The following ARAP2 variants were observed in gnomAD, a reference collection of about 807,000 sequenced individuals.
ARAP2 encodes arf-GAP with Rho-GAP domain, ANK repeat and PH domain-containing protein 2.
A neutral mutation model predicts 194.5 loss-of-function variants in ARAP2; 148 were observed. The observed-to-expected ratio is 0.76, with a 90% confidence interval of 0.67 to 0.87. The LOEUF is 0.87. Among genes scored for constraint, ARAP2 ranks in the 40% least tolerant of loss-of-function variants. ARAP2 has a pLI of 0.00. For synonymous variants in ARAP2, 695 were observed against 683.5 expected, an observed-to-expected ratio of 1.02 and a Z score of -0.26; for missense variants, 2,128 against 1,989.7, an observed-to-expected ratio of 1.07 and a Z score of -1.32.
At chr4:36,216,563 T>C (rs1017251901) in intron 2 of ARAP2, among the ~76,000 whole-genome samples, 1 of 152,152 alleles carries the variant, frequency 6.6e-6, no homozygotes, top group African/African-American at 2.4e-5. Flanking sequence ...TTAACAATCC[T>C]ACCAAAAATA....
chr4:36,073,910 T>TA, intron 31 of ARAP2, 87 bp from the exon 32 acceptor site: 1 of 1,447,744 alleles, frequency 6.9e-7, no homozygotes, highest in Non-Finnish European at 9.5e-7. Flanking sequence ...CTTTCCCACA[T>TA]ATCCACATCA....
rs977050183 is a variant in ARAP2 at position 36,066,080 on chromosome 4, A to G, written c.*1827T>C. 6.6e-6 allele frequency: 1 copy of G among 152,216 alleles called. No homozygotes were observed. Among genetic ancestry groups the G allele is most frequent in the Admixed American group, 6.5e-5 (1 of 15,282 alleles). The allele number at this position is 152,216 out of a possible 1,614,324, so 9.4% of individuals were successfully genotyped here. A position where few individuals can be genotyped will look rare whatever the true frequency, so the allele number is the denominator to read the frequency against. On this transcript the variant is annotated 3_prime_UTR_variant, in exon 33 of 33. Coordinates refer to ENST00000303965, the MANE Select transcript of ARAP2 (RefSeq NM_015230.4). The stretch of plus-strand genomic sequence containing the variant: ...ATTAGCCCTTATCTCTCACACTTGA[A>G]AAATGGAGACAGTTGTTCAGAATAG...
intron 5 of ARAP2, among the ~76,000 whole-genome samples, chr4:36,026,197 T>C (rs1717876316): frequency 6.6e-6 from 1 of 152,186 alleles, no homozygotes; most frequent in African/African-American, 2.4e-5. Context: ...TCAGACACTT[T>C]GACTCACAAA....
chr4:36,091,560 T>C (rs1713661264), intron 28 of ARAP2, among the ~76,000 whole-genome samples: 1 of 152,186 alleles, frequency 6.6e-6, no homozygotes, highest in South Asian at 2.1e-4. Flanking sequence ...ATCTGAAGCC[T>C]TTTATTTTAG....
chr4:36,096,111 C>T (rs1483416848), intron 27 of ARAP2, among the ~76,000 whole-genome samples: 3 of 151,844 alleles, frequency 2.0e-5, no homozygotes, highest in African/African-American at 7.3e-5. Flanking sequence ...TATCTGTAAT[C>T]CCAGCACTTT....
At chr4:36,084,467 TA>T (rs1220048698) in intron 28 of ARAP2, among the ~76,000 whole-genome samples, 3 of 152,080 alleles carry the variant, frequency 2.0e-5, no homozygotes, top group African/African-American at 7.2e-5. Context: ...GGATTTTCTA[TA>T]CTGTTTGGAT....
chr4:36,161,615 G>C (rs1344288603), intron 11 of ARAP2, 65 bp from the exon 12 acceptor site: 1 of 1,332,580 alleles, frequency 7.5e-7, no homozygotes, highest in East Asian at 2.3e-5. Context: ...ACCTTGTTTT[G>C]AAAGAAAGTG....
intron 9 of ARAP2, among the ~76,000 whole-genome samples, chr4:36,009,394 A>G (rs1021374670): frequency 5.3e-5 from 8 of 152,108 alleles, no homozygotes; most frequent in African/African-American, 1.9e-4. Context: ...GCACCAACAT[A>G]TAGGCAAACT....
chr4:36,082,367 G>A (rs1359603999), intron 29 of ARAP2, 81 bp from the exon 30 acceptor site: 48 of 1,403,694 alleles, frequency 3.4e-5, no homozygotes, highest in Non-Finnish European at 4.6e-5. Flanking sequence ...AGATGTTAAG[G>A]AGATGAGATT....
At chr4:36,230,610 C>G (rs567342952) in intron 1 of ARAP2, among the ~76,000 whole-genome samples, 13 of 152,264 alleles carry the variant, frequency 8.5e-5, no homozygotes, top group African/African-American at 3.1e-4. Context: ...TTTCCAGATG[C>G]TAATTATACA....
intron 2 of ARAP2, among the ~76,000 whole-genome samples, chr4:36,056,935 T>A (rs1723613242): frequency 6.6e-6 from 1 of 152,086 alleles, no homozygotes; most frequent in African/African-American, 2.4e-5. Context: ...ACAGTCAATA[T>A]TATGTTTACC....
chr4:36,077,647 T>C (rs1198435961), intron 31 of ARAP2, among the ~76,000 whole-genome samples: 1 of 152,128 alleles, frequency 6.6e-6, no homozygotes, highest in Non-Finnish European at 1.5e-5. Context: ...TCTTCTTTCC[T>C]ATAGCTGTTC....
At chr4:36,207,801 C>T (rs1327944160) in intron 6 of ARAP2, among the ~76,000 whole-genome samples, 2 of 151,838 alleles carry the variant, frequency 1.3e-5, no homozygotes, top group South Asian at 2.1e-4. Flanking sequence ...CCCAAGAGTT[C>T]ACTACCCTGT....
At chr4:36,052,366 C>A (rs964395651) in intron 2 of ARAP2, among the ~76,000 whole-genome samples, 4 of 152,188 alleles carry the variant, frequency 2.6e-5, no homozygotes, top group African/African-American at 9.7e-5. Flanking sequence ...TTAGTGTTCA[C>A]ATAGTCTGCA....
At chr4:36,091,147 A>T in intron 28 of ARAP2, among the ~76,000 whole-genome samples, 1 of 152,182 alleles carries the variant, frequency 6.6e-6, no homozygotes, top group East Asian at 1.9e-4. Context: ...TATAAAAAAA[A>T]TCATATATTA....
intron 31 of ARAP2, among the ~76,000 whole-genome samples, chr4:36,079,173 C>CAAAA (rs34229260): frequency 1.5e-4 from 12 of 77,594 alleles, no homozygotes; most frequent in East Asian, 4.0e-4. Flanking sequence ...GACTCTGTCT[C>CAAAA]AAAAAAAAAA....
intron 5 of ARAP2, among the ~76,000 whole-genome samples, chr4:36,042,637 T>C (rs1353940886): frequency 6.6e-6 from 1 of 152,170 alleles, no homozygotes; most frequent in Non-Finnish European, 1.5e-5. Context: ...TCTGGCAAGG[T>C]AACTTCAAAT....
intron 22 of ARAP2, among the ~76,000 whole-genome samples, chr4:36,124,610 A>G (rs1723436049): frequency 6.6e-6 from 1 of 151,924 alleles, no homozygotes; most frequent in South Asian, 2.1e-4. Flanking sequence ...CACATCCTTT[A>G]TTCTCCAGCT....
At position 36,115,049 on chromosome 4, in the gene ARAP2, T is replaced by G. The variant is rs55805620; in HGVS notation, c.4039-762A>C. Among the ~76,000 whole-genome samples, 815 of 152,158 alleles carry G rather than the reference T, an allele frequency of 5.4e-3. 11 individuals are homozygous for G. Among genetic ancestry groups the G allele is most frequent in the African/African-American group, 0.018 (768 of 41,550 alleles). ...AACATTATAATACTGCAGTTGCAAC[T>G]TGATTTGCACATTTTCAGTAAAAGG... On this transcript the variant is annotated intron_variant, in intron 25 of 32. Coordinates refer to ENST00000303965, the MANE Select transcript of ARAP2 (RefSeq NM_015230.4).
Sources: allele counts gnomAD v4.1 joint callset (sites outside exome capture counted in the v4.1 genomes callset), GRCh38; gene constraint gnomAD v4.1.1; transcripts MANE v1.5; gene names NCBI Gene and HGNC (gene_info 2026-07-23, HGNC 2026-07-21).